Variants in TRIM9 observed in about 807,000 individuals in gnomAD.
The protein encoded by TRIM9 is E3 ubiquitin-protein ligase TRIM9.
A neutral mutation model predicts 78.3 loss-of-function variants in TRIM9; 26 were observed. The ratio of observed to expected loss-of-function variants is 0.33; its 90% CI spans 0.24 to 0.46. TRIM9 has a LOEUF of 0.46. Ranked by LOEUF, TRIM9 falls within the 20% of genes least tolerant of loss-of-function variation. TRIM9 has a pLI of 1.00. For missense variants in TRIM9, 787 were observed against 1,036.4 expected (o/e 0.76, Z 3.30); for synonymous variants, 398 against 416.5 (o/e 0.96, Z 0.54).
chr14:50,999,340 G>GA (rs2054634294), intron 6 of TRIM9, among the ~76,000 whole-genome samples: 2 of 151,492 alleles, frequency 1.3e-5, no homozygotes, highest in Non-Finnish European at 2.9e-5. Context: ...ATGAGAAACT[G>GA]ACAAATAGGA....
chr14:51,043,998 T>TA (rs2059758633), intron 1 of TRIM9, among the ~76,000 whole-genome samples: 2 of 152,230 alleles, frequency 1.3e-5, no homozygotes, highest in African/African-American at 4.8e-5. Flanking sequence ...GAGAATCTGA[T>TA]AGACTGGAGC....
At chr14:50,993,745 T>A (rs1414291630) in intron 7 of TRIM9, among the ~76,000 whole-genome samples, 2 of 152,160 alleles carry the variant, frequency 1.3e-5, no homozygotes, top group Non-Finnish European at 2.9e-5. Flanking sequence ...TTGGATAGTT[T>A]TCCCTCTCTT....
chr14:51,025,415 G>T (rs2139802433), intron 1 of TRIM9, 55 bp from the exon 2 acceptor site: 1 of 450,288 alleles, frequency 2.2e-6, no homozygotes, highest in Non-Finnish European at 3.6e-6. Flanking sequence ...ACACCAACAA[G>T]GCCAGCGAGA....
At chr14:50,988,719 A>C (rs1354718887) in intron 7 of TRIM9, among the ~76,000 whole-genome samples, 1 of 152,198 alleles carries the variant, frequency 6.6e-6, no homozygotes, top group Admixed American at 6.5e-5. Context: ...ATGAATTACA[A>C]GAGAGAAACA....
chr14:51,078,863 A>G (rs1020220538), intron 1 of TRIM9, among the ~76,000 whole-genome samples: 1 of 152,190 alleles, frequency 6.6e-6, no homozygotes, highest in Non-Finnish European at 1.5e-5. Flanking sequence ...GTATTGTATT[A>G]GGGATTTTTG....
At chr14:51,031,147 CAAAAAAAAAA>C (rs1210514761) in intron 1 of TRIM9, among the ~76,000 whole-genome samples, 1 of 100,768 alleles carries the variant, frequency 9.9e-6, no homozygotes, top group South Asian at 3.9e-4. Context: ...AAACTCTTTC[CAAAAAAAAAA>C]AAAAAAAAGA....
chr14:51,001,362 T>C (rs1223270256), intron 5 of TRIM9, among the ~76,000 whole-genome samples: 2 of 151,872 alleles, frequency 1.3e-5, no homozygotes, highest in African/African-American at 4.8e-5. Flanking sequence ...CCGGAGTAGC[T>C]GGGACTACAG....
Position 51,040,854 on chromosome 14 carries a change from C to T in TRIM9, c.823-15494G>A, listed in dbSNP as rs536667891. The stretch of plus-strand genomic sequence containing the variant: ...ACTCTTCCGCTTACTACCACTGCTT[C>T]AATTATTCTGAAAATAAAATACAAC... On this transcript the variant is annotated intron_variant, in intron 1 of 12. Coordinates refer to ENST00000684578, the MANE Select transcript of TRIM9 (RefSeq NM_001387360.1). Among the ~76,000 whole-genome samples the T allele has an allele frequency of 2.6e-5, 4 of 152,320 alleles. No individual in the cohort carries two copies. The South Asian group carries it at 8.3e-4, about 32-fold the overall frequency.
At chr14:51,031,163 A>G (rs1242993119) in intron 1 of TRIM9, among the ~76,000 whole-genome samples, 1 of 149,418 alleles carries the variant, frequency 6.7e-6, no homozygotes, top group Non-Finnish European at 1.5e-5. Context: ...AAAAAAAAAA[A>G]AAGAAAGAAA....
At chr14:50,984,626 A>G (rs2052450674) in intron 8 of TRIM9, among the ~76,000 whole-genome samples, 1 of 152,234 alleles carries the variant, frequency 6.6e-6, no homozygotes, top group South Asian at 2.1e-4. Flanking sequence ...ATAGGGCTTT[A>G]AAAACTTTTA....
At chr14:51,036,226 G>C (rs1026027821) in intron 1 of TRIM9, among the ~76,000 whole-genome samples, 1 of 152,146 alleles carries the variant, frequency 6.6e-6, no homozygotes. Context: ...TATTAGCAAC[G>C]TCATGTTGGT....
chr14:51,092,966 G>C (rs777662119), intron 1 of TRIM9, among the ~76,000 whole-genome samples: 8 of 152,120 alleles, frequency 5.3e-5, no homozygotes, highest in Non-Finnish European at 8.8e-5. Context: ...CGGATCTCAG[G>C]TAACTGGGGA....
chr14:50,994,009 T>C (rs1370902197), intron 7 of TRIM9, among the ~76,000 whole-genome samples: 1 of 152,188 alleles, frequency 6.6e-6, no homozygotes, highest in Non-Finnish European at 1.5e-5. Flanking sequence ...TTATTATCCA[T>C]GGCAAAAGGG....
Position 51,009,097 on chromosome 14 carries a change from T to C in TRIM9, c.1289A>G (p.Asp430Gly). ...SPLLQSIHQL[D>G]FVQVKASSPV... ...GGACATACCTTTCACTTGCACGAAA[T>C]CCAGCTGGTGGATGGATTGCAGCAG... The change falls in exon 5 of 13, where the codon GAT (aspartate) becomes GGT (glycine). Residue 430 changes from aspartate to glycine, a missense_variant. Around this residue, in one of 3 missense-constraint regions of TRIM9, gnomAD observed 421 missense variants for 514.3 expected, o/e 0.82. Coordinates refer to ENST00000684578, the MANE Select transcript of TRIM9 (RefSeq NM_001387360.1). 1.9e-6 allele frequency: 3 copies of C among 1,613,944 alleles called. No homozygotes were observed. The highest frequency in any genetic ancestry group is 2.5e-6 in the Non-Finnish European group (3 of 1,179,896).
intron 1 of TRIM9, among the ~76,000 whole-genome samples, chr14:51,076,265 C>T (rs1468176441): frequency 6.6e-6 from 1 of 152,196 alleles, no homozygotes; most frequent in Non-Finnish European, 1.5e-5. Context: ...GTACTGGTCT[C>T]CCTTTTCCAA....
chr14:50,981,909 G>A lies in TRIM9; in HGVS notation c.2053C>T (p.Arg685Cys), dbSNP rs1466128162. The change falls in exon 11 of 13, where the codon CGC becomes TGC. Residue 685 changes from arginine (R) to cysteine (C), a missense_variant. Around this residue, in one of 3 missense-constraint regions of TRIM9, gnomAD observed 421 missense variants for 514.3 expected, o/e 0.82. Coordinates refer to ENST00000684578, the MANE Select transcript of TRIM9 (RefSeq NM_001387360.1). Reference protein sequence around the residue: ...NHPDPAFGVARMDVMKDVMLG... With the variant: ...NHPDPAFGVACMDVMKDVMLG... ...ATCACATCCTTCATCACGTCCATGC[G>A]AGCCACACCAAAGGCAGGATCAGGG... 5.6e-6 allele frequency: 9 copies of A among 1,614,074 alleles called. No homozygotes were observed. The highest frequency in any genetic ancestry group is 2.2e-5 in the South Asian group (2 of 91,078).
intron 11 of TRIM9, 131 bp from the exon 12 acceptor site, chr14:50,979,680 C>A (rs1463666266): frequency 2.7e-6 from 2 of 745,716 alleles, no homozygotes; most frequent in Non-Finnish European, 2.3e-6. Flanking sequence ...TTTCCCTAAT[C>A]ATCCCTTGCA....
At chr14:51,023,057 A>T in intron 2 of TRIM9, 100 bp from the exon 3 acceptor site, 1 of 1,484,630 alleles carries the variant, frequency 6.7e-7, no homozygotes. Context: ...ATGAAAAGGA[A>T]CTCTGTCCAC....
At chr14:51,003,812 G>A (rs1483677602) in intron 5 of TRIM9, among the ~76,000 whole-genome samples, 1 of 152,108 alleles carries the variant, frequency 6.6e-6, no homozygotes, top group Non-Finnish European at 1.5e-5. Context: ...TCCATGTGCT[G>A]AGAATTAGTT....
Sources: allele counts gnomAD v4.1 joint callset (sites outside exome capture counted in the v4.1 genomes callset), GRCh38; gene constraint gnomAD v4.1.1; regional missense constraint gnomAD v4.1.1; transcripts MANE v1.5; gene names NCBI Gene and HGNC (gene_info 2026-07-23, HGNC 2026-07-21).